CYB5B: variants seen among roughly 807,000 people sequenced by gnomAD.
The protein encoded by CYB5B is cytochrome b5 type B (outer mitochondrial membrane).
Under a neutral mutation model 21.3 loss-of-function variants are expected in CYB5B, and 14 were observed. The observed-to-expected ratio is 0.66, with a 90% CI of 0.43 to 1.03. CYB5B has a LOEUF of 1.03. Among genes scored for constraint, CYB5B ranks in the 50% least tolerant of loss-of-function variants. The probability of loss-of-function intolerance (pLI) is 0.00; values close to 1 mark genes in which losing one functional copy is unlikely to be tolerated. For missense variants in CYB5B, 166 were observed against 185.1 expected (o/e 0.90, Z 0.60); for synonymous variants, 69 against 68.4 (o/e 1.01, Z -0.04).
intron 3 of CYB5B, 108 bp downstream of exon 3, chr16:69,448,252 TC>T: frequency 7.6e-7 from 1 of 1,317,478 alleles, no homozygotes; most frequent in Non-Finnish European, 1.1e-6. Flanking sequence ...ATTTACTTTT[TC>T]CCCAAGCAAA....
intron 1 of CYB5B, among the ~76,000 whole-genome samples, chr16:69,430,988 A>G (rs1342357672): frequency 6.7e-6 from 1 of 148,306 alleles, no homozygotes; most frequent in Admixed American, 6.8e-5. Context: ...TTAAAGCTTT[A>G]TATGTGTATT....
intron 1 of CYB5B, among the ~76,000 whole-genome samples, chr16:69,436,234 T>A (rs2014758716): frequency 6.6e-6 from 1 of 152,258 alleles, no homozygotes. Context: ...GCGTGGTCTC[T>A]GTTCCCGATG....
chr16:69,428,109 G>C (rs1007234427), intron 1 of CYB5B, among the ~76,000 whole-genome samples: 2 of 152,008 alleles, frequency 1.3e-5, no homozygotes, highest in Non-Finnish European at 2.9e-5. Flanking sequence ...ACAGGTGTGA[G>C]CCACTGTGCT....
intron 3 of CYB5B, among the ~76,000 whole-genome samples, chr16:69,458,052 A>T (rs913097584): frequency 2.6e-5 from 4 of 152,222 alleles, no homozygotes; most frequent in African/African-American, 9.6e-5. Flanking sequence ...GCAGTAAGTT[A>T]GCAGGCCTTT....
chr16:69,447,101 G>T (rs1285725491), intron 1 of CYB5B, 49 bp from the exon 2 acceptor site: 16 of 1,589,676 alleles, frequency 1.0e-5, no homozygotes, highest in Non-Finnish European at 1.4e-5. Flanking sequence ...TAACTTGTTG[G>T]TTTGCTTTTC....
chr16:69,465,351 G>A lies in CYB5B; in HGVS notation c.*2831G>A, dbSNP rs759759954. 3 of 152,182 alleles carry A rather than the reference G, an allele frequency of 2.0e-5. No individual in the cohort carries two copies. The highest frequency in any genetic ancestry group is 4.4e-5 in the Non-Finnish European group (3 of 68,042). 9.4% of individuals were successfully genotyped at this position (152,182 alleles called of 1,614,324 possible). ...GCCAGGGTTTAAACCTGCCTCAGTA[G>A]AGTCTAGTTTGAAATGACACCAAAA... is the stretch of plus-strand genomic sequence containing the variant. On this transcript the variant is annotated 3_prime_UTR_variant, in exon 5 of 5. Coordinates refer to ENST00000307892, the MANE Select transcript of CYB5B (RefSeq NM_030579.3).
intron 1 of CYB5B, among the ~76,000 whole-genome samples, chr16:69,445,492 T>C (rs1370458637): frequency 6.6e-6 from 1 of 152,196 alleles, no homozygotes; most frequent in Non-Finnish European, 1.5e-5. Context: ...GAAATGGTTG[T>C]TATAAAAAGT....
At chr16:69,448,894 TTCC>T (rs1378904731) in intron 3 of CYB5B, 1 of 152,204 alleles carries the variant, frequency 6.6e-6, no homozygotes, top group East Asian at 1.9e-4. Flanking sequence ...CCCTTCCATT[TTCC>T]TCCTCCTTGC....
chr16:69,436,878 A>G (rs566641948), intron 1 of CYB5B, among the ~76,000 whole-genome samples: 5 of 152,306 alleles, frequency 3.3e-5, no homozygotes, highest in Non-Finnish European at 5.9e-5. Flanking sequence ...TATTCTGCCC[A>G]TCAGTCCCCT....
At chr16:69,435,465 G>C (rs2014750928) in intron 1 of CYB5B, among the ~76,000 whole-genome samples, 1 of 152,080 alleles carries the variant, frequency 6.6e-6, no homozygotes, top group Non-Finnish European at 1.5e-5. Context: ...TCTTGTGTGA[G>C]GTATAGAGTG....
At chr16:69,442,589 G>A (rs539070717) in intron 1 of CYB5B, among the ~76,000 whole-genome samples, 2 of 151,818 alleles carry the variant, frequency 1.3e-5, no homozygotes, top group East Asian at 1.9e-4. Flanking sequence ...GTGCAGTGGC[G>A]CCATGCCTCG....
At chr16:69,459,704 G>T (rs529956038) in intron 4 of CYB5B, 2 of 152,358 alleles carry the variant, frequency 1.3e-5, no homozygotes, top group South Asian at 4.1e-4. Flanking sequence ...GGCTTGTACA[G>T]TATCTTTGTG....
chr16:69,446,028 G>A (rs2014874787), intron 1 of CYB5B, among the ~76,000 whole-genome samples: 1 of 152,046 alleles, frequency 6.6e-6, no homozygotes, highest in South Asian at 2.1e-4. Context: ...CAGCCACTAG[G>A]TTCTTTCACC....
intron 1 of CYB5B, chr16:69,444,044 C>T (rs2014852140): frequency 6.6e-6 from 1 of 152,288 alleles, no homozygotes; most frequent in Admixed American, 6.5e-5. Flanking sequence ...ATATTTTTAT[C>T]CTCTGGGTTG....
intron 1 of CYB5B, among the ~76,000 whole-genome samples, chr16:69,427,445 A>G (rs1425945106): frequency 6.6e-6 from 1 of 152,010 alleles, no homozygotes; most frequent in South Asian, 2.1e-4. Flanking sequence ...ACCTGTTTCA[A>G]CCACATGCTG....
chr16:69,446,394 G>C (rs1263139943), intron 1 of CYB5B, among the ~76,000 whole-genome samples: 2 of 152,058 alleles, frequency 1.3e-5, no homozygotes, highest in African/African-American at 4.8e-5. Context: ...CGTGATCTTG[G>C]CACACTGCAA....
chr16:69,441,330 A>G (rs536331239), intron 1 of CYB5B, among the ~76,000 whole-genome samples: 3 of 151,410 alleles, frequency 2.0e-5, no homozygotes, highest in Non-Finnish European at 4.4e-5. Flanking sequence ...AATTTTTTGT[A>G]TTTTTAGTAC....
intron 3 of CYB5B, chr16:69,448,792 T>C (rs2014903438): frequency 6.6e-6 from 1 of 152,314 alleles, no homozygotes; most frequent in Non-Finnish European, 1.5e-5. Flanking sequence ...TTTTCCTTAA[T>C]TTCTGTCCTT....
At chr16:69,436,428 C>T (rs1037371459) in intron 1 of CYB5B, among the ~76,000 whole-genome samples, 3 of 152,184 alleles carry the variant, frequency 2.0e-5, no homozygotes, top group Admixed American at 6.5e-5. Flanking sequence ...GCCAAGGTTA[C>T]ACCATTCCTG....
Sources: allele counts gnomAD v4.1 joint callset (sites outside exome capture counted in the v4.1 genomes callset), GRCh38; gene constraint gnomAD v4.1.1; transcripts MANE v1.5; gene names NCBI Gene and HGNC (gene_info 2026-07-23, HGNC 2026-07-21).